Variants in WWTR1 observed in about 807,000 individuals in gnomAD.
WWTR1 encodes the protein WW domain containing transcription regulator 1.
A neutral mutation model predicts 40.1 loss-of-function variants in WWTR1; 13 were observed. The observed-to-expected ratio is 0.32, with a 90% CI of 0.21 to 0.52. WWTR1 has a LOEUF of 0.52. WWTR1 is among the 20% of genes least tolerant of loss of function. The pLI, the probability that WWTR1 is intolerant of heterozygous loss-of-function variation, is 0.97. For missense variants in WWTR1, 436 were observed against 523.1 expected, an observed-to-expected ratio of 0.83 and a Z score of 1.63; for synonymous variants, 230 against 210.1, an observed-to-expected ratio of 1.09 and a Z score of -0.82.
chr3:149,602,941 T>G (rs1739306334), intron 2 of WWTR1, among the ~76,000 whole-genome samples: 1 of 152,030 alleles, frequency 6.6e-6, no homozygotes, highest in Non-Finnish European at 1.5e-5. Context: ...ATGATAGGCA[T>G]GAGCCACTGT....
chr3:149,676,123 C>A (rs1277124505), intron 1 of WWTR1, among the ~76,000 whole-genome samples: 1 of 152,032 alleles, frequency 6.6e-6, no homozygotes, highest in Non-Finnish European at 1.5e-5. Context: ...AGGCGGAATC[C>A]AGCACCAGGG....
rs113884400 is a variant in WWTR1 at position 149,614,792 on chromosome 3, G to A, written c.432-41792C>T. 4.2e-3 allele frequency among the ~76,000 whole-genome samples: 643 copies of A among 152,266 alleles called. 4 individuals are homozygous for A. Among genetic ancestry groups the A allele is most frequent in the African/African-American group, 0.015 (618 of 41,548 alleles). ...GAGGTCAGGAGTTCGAGACCAGCCTGGCCAACATGGTGAAACCCTGTCTCT... is the reference window on the plus strand; with the variant it reads ...GAGGTCAGGAGTTCGAGACCAGCCTAGCCAACATGGTGAAACCCTGTCTCT... On this transcript the variant is annotated intron_variant, in intron 2 of 6. Transcript: ENST00000360632.
intron 3 of WWTR1, among the ~76,000 whole-genome samples, chr3:149,560,487 C>T (rs1737035493): frequency 6.6e-6 from 1 of 152,156 alleles, no homozygotes; most frequent in Admixed American, 6.5e-5. Flanking sequence ...GATCCAATTC[C>T]ATTTGGAGAG....
Position 149,531,621 on chromosome 3 carries a change from TA to T in WWTR1, c.772-3653del, listed in dbSNP as rs745629682. Among the ~76,000 whole-genome samples the T allele has an allele frequency of 9.5e-4, 144 of 152,052 alleles. 1 individual carries two copies. The highest frequency in any genetic ancestry group is 1.8e-3 in the Non-Finnish European group (121 of 68,002). Reference sequence around the variant, plus strand: ...GTGTTCCTCGAGTCTTCCTAAAGCTTATTCCCTCACTTAACGCCTGCCTCCT... The same window carrying T: ...GTGTTCCTCGAGTCTTCCTAAAGCTTTTCCCTCACTTAACGCCTGCCTCCT... On this transcript the variant is annotated intron_variant, in intron 4 of 6. Coordinates refer to ENST00000360632, the MANE Select transcript of WWTR1 (RefSeq NM_015472.6).
Position 149,572,864 on chromosome 3 carries a change from C to T in WWTR1, c.568G>A (p.Val190Met), listed in dbSNP as rs202005326. Reference protein sequence around the residue: ...RSMAVSQPNLVMNHQHQQQMA... With the variant: ...RSMAVSQPNLMMNHQHQQQMA... ...AATTTTAAAAAAGCTTGAGGCTTAC[C>T]GAGATTTGGCTGGGATACTGCCATG... Residue 190 changes from valine to methionine, a missense_variant and splice_region_variant, in exon 3 of 7, where the codon GTG becomes ATG. Physicochemically the swap from Val to Met is conservative, Grantham distance 21. Transcript: ENST00000360632. The T allele has an allele frequency of 5.6e-6, 9 of 1,613,432 alleles. No individual in the cohort carries two copies. Among genetic ancestry groups the T allele is most frequent in the African/African-American group, 4.0e-5 (3 of 74,840 alleles).
intron 3 of WWTR1, among the ~76,000 whole-genome samples, chr3:149,559,023 G>A (rs112509558): frequency 0.12 from 17,755 of 152,190 alleles, 1,342 homozygotes; most frequent in Middle Eastern, 0.18. Context: ...GCTGGGCACG[G>A]TGGCTCACGC....
At chr3:149,522,269 C>A (rs749458374) in intron 6 of WWTR1, among the ~76,000 whole-genome samples, 1 of 151,960 alleles carries the variant, frequency 6.6e-6, no homozygotes, top group Non-Finnish European at 1.5e-5. Context: ...AGCAAAATTG[C>A]CGAAAGTTCA....
intron 4 of WWTR1, among the ~76,000 whole-genome samples, chr3:149,531,278 A>T (rs192612542): frequency 1.1e-3 from 172 of 152,318 alleles, no homozygotes; most frequent in African/African-American, 4.0e-3. Context: ...TCTGAGTTAG[A>T]AAGTTATTAT....
chr3:149,715,894 T>G (rs894795181), intron 5 of WWTR1, among the ~76,000 whole-genome samples: 1 of 152,150 alleles, frequency 6.6e-6, no homozygotes, highest in Non-Finnish European at 1.5e-5. Context: ...CATATTTAAC[T>G]GGATAAAAAG....
intron 2 of WWTR1, among the ~76,000 whole-genome samples, chr3:149,597,021 G>C (rs1215769834): frequency 1.3e-5 from 2 of 152,154 alleles, no homozygotes; most frequent in Non-Finnish European, 2.9e-5. Context: ...AGGACACAAT[G>C]ATCTACTCCA....
At chr3:149,564,273 C>T (rs1238606957) in intron 3 of WWTR1, among the ~76,000 whole-genome samples, 1 of 152,190 alleles carries the variant, frequency 6.6e-6, no homozygotes, top group Non-Finnish European at 1.5e-5. Context: ...CCCAAGTGAT[C>T]CAGCTAGTGG....
chr3:149,643,350 C>T (rs756799088), intron 2 of WWTR1, among the ~76,000 whole-genome samples: 28 of 152,158 alleles, frequency 1.8e-4, no homozygotes, highest in Non-Finnish European at 3.4e-4. Context: ...TTAGTTATGA[C>T]GTGTGCCAGC....
chr3:149,563,626 G>A (rs1054707884), intron 3 of WWTR1, among the ~76,000 whole-genome samples: 2 of 152,206 alleles, frequency 1.3e-5, no homozygotes, highest in African/African-American at 4.8e-5. Flanking sequence ...TAAAAAGTTG[G>A]TGGGCATACT....
At chr3:149,536,755 TAAAA>T (rs5853412) in intron 4 of WWTR1, among the ~76,000 whole-genome samples, 79 of 142,396 alleles carry the variant, frequency 5.5e-4, no homozygotes, top group Non-Finnish European at 8.5e-4. Flanking sequence ...ACCCCCAAAT[TAAAA>T]AAAAAAAAAA....
At chr3:149,649,938 A>AAT (rs1712765279) in intron 2 of WWTR1, 1 of 150,922 alleles carries the variant, frequency 6.6e-6, no homozygotes, top group Admixed American at 6.6e-5. Flanking sequence ...AAAAAAAAAA[A>AAT]TTCTGTAGAG....
intron 1 of WWTR1, among the ~76,000 whole-genome samples, chr3:149,689,380 CAAAAAAAAAAAAA>C (rs3044083): frequency 2.7e-5 from 1 of 36,696 alleles, no homozygotes; most frequent in African/African-American, 1.2e-4. Context: ...GAACCTATCT[CAAAAAAAAAAAAA>C]AAAAAAAAGC....
chr3:149,624,763 G>A (rs1011156938), intron 2 of WWTR1, among the ~76,000 whole-genome samples: 5 of 151,974 alleles, frequency 3.3e-5, no homozygotes, highest in Non-Finnish European at 7.4e-5. Flanking sequence ...GCAGTGGCGT[G>A]ACCTCGGCTC....
chr3:149,602,426 A>G (rs1212178984), intron 2 of WWTR1, among the ~76,000 whole-genome samples: 1 of 152,146 alleles, frequency 6.6e-6, no homozygotes, highest in African/African-American at 2.4e-5. Flanking sequence ...CGTTCTTTTC[A>G]CTCTGGACCC....
chr3:149,664,346 A>C (rs1410568327), intron 2 of WWTR1, among the ~76,000 whole-genome samples: 1 of 152,260 alleles, frequency 6.6e-6, no homozygotes, highest in Non-Finnish European at 1.5e-5. Flanking sequence ...AGAGTTGACC[A>C]GTTCCTTGAC....
Sources: gnomAD v4.1 joint callset for allele counts (sites outside exome capture counted in the v4.1 genomes callset) on GRCh38, gnomAD v4.1.1 for gene constraint, MANE v1.5 for transcripts, NCBI Gene and HGNC (gene_info 2026-07-23, HGNC 2026-07-21) for gene names.